OSGIN2: variants seen among roughly 807,000 people sequenced by gnomAD.
OSGIN2 encodes the protein oxidative stress-induced growth inhibitor 2.
In OSGIN2, 19 loss-of-function variants were observed where a neutral mutation model predicts 53.8. The ratio of observed to expected loss-of-function variants is 0.35; its 90% CI spans 0.25 to 0.52. The LOEUF is 0.52. OSGIN2 is among the 20% of genes least tolerant of loss of function. The probability of loss-of-function intolerance (pLI) is 0.95; values close to 1 mark genes in which losing one functional copy is unlikely to be tolerated. For synonymous variants in OSGIN2, 236 were observed against 236.0 expected (o/e 1.00, Z 0.00); for missense variants, 520 against 662.7 (o/e 0.78, Z 2.36).
chr8:89,923,327 T>A (rs1809247140), intron 5 of OSGIN2, among the ~76,000 whole-genome samples: 1 of 152,202 alleles, frequency 6.6e-6, no homozygotes, highest in Non-Finnish European at 1.5e-5. Flanking sequence ...GACACATGAC[T>A]GAAGAAGTAA....
At chr8:89,914,274 A>T in intron 3 of OSGIN2, 61 bp downstream of exon 3, 3 of 1,252,122 alleles carry the variant, frequency 2.4e-6, no homozygotes, top group Non-Finnish European at 3.4e-6. Flanking sequence ...ATTAGTTTTT[A>T]TTTATATGAA....
chr8:89,909,051 C>CAT lies in OSGIN2; in HGVS notation c.45-502_45-501dup, dbSNP rs890126567. On this transcript the variant is annotated intron_variant, in intron 1 of 5. Coordinates refer to ENST00000451899, the MANE Select transcript of OSGIN2 (RefSeq NM_001126111.3). ...AAAAAAAAAAAAATATATATATATA[C>CAT]ATATATATATATATAATGTATATGT... Among the ~76,000 whole-genome samples the CAT allele has an allele frequency of 1.7e-3, 154 of 92,564 alleles. 2 individuals are homozygous for CAT. Among genetic ancestry groups the CAT allele is most frequent in the East Asian group, 4.5e-3 (14 of 3,100 alleles). 60.7% of individuals were successfully genotyped at this position (92,564 alleles called of 152,430 possible).
chr8:89,902,439 G>C (rs1246361599), upstream of OSGIN2: 3 of 152,018 alleles, frequency 2.0e-5, no homozygotes, highest in Non-Finnish European at 4.4e-5. Flanking sequence ...CGCCCGGGCC[G>C]TGGCTCCACC....
chr8:89,907,579 G>A (rs1161339833), intron 1 of OSGIN2, among the ~76,000 whole-genome samples: 1 of 152,078 alleles, frequency 6.6e-6, no homozygotes, highest in Non-Finnish European at 1.5e-5. Flanking sequence ...TTGCAGGTGT[G>A]TGGTCTTATT....
rs754920080 is a variant in OSGIN2 at position 89,921,050 on chromosome 8, C to T, written c.529-30C>T. The stretch of plus-strand genomic sequence containing the variant: ...AACCATGTTACTTCTTGTTTTTTGA[C>T]GGTACATTTTTTTTTTTAAACTCTA... On this transcript the variant is annotated intron_variant, in intron 4 of 5. Transcript: ENST00000451899. 1.9e-5 allele frequency: 24 copies of T among 1,277,018 alleles called. No individual in the cohort carries two copies. The East Asian group carries it at 4.0e-4, about 21-fold the overall frequency. The allele number at this position is 1,277,018 out of a possible 1,614,324, so 79.1% of individuals were successfully genotyped here. A position where few individuals can be genotyped will look rare whatever the true frequency, so the allele number is the denominator to read the frequency against.
Position 89,910,721 on chromosome 8 carries a change from GTCT to G in OSGIN2, c.199+1005_199+1007del, listed in dbSNP as rs771357584. Among the ~76,000 whole-genome samples, 4 of 152,150 alleles carry G rather than the reference GTCT, an allele frequency of 2.6e-5. 1 individual carries two copies. Among genetic ancestry groups the G allele is most frequent in the Admixed American group, 1.3e-4 (2 of 15,278 alleles). ...TATCCTGAATGAATGGAGGAATCCT[GTCT>G]TCTTGTGTGGCTAGGCTGTGGGAAG... On this transcript the variant is annotated intron_variant, in intron 2 of 5. Coordinates refer to ENST00000451899, the MANE Select transcript of OSGIN2 (RefSeq NM_001126111.3).
intron 1 of OSGIN2, among the ~76,000 whole-genome samples, chr8:89,904,281 G>A (rs535962795): frequency 1.7e-4 from 26 of 152,166 alleles, no homozygotes; most frequent in Non-Finnish European, 3.7e-4. Context: ...AGAAAATATT[G>A]TGTGAAAGCT....
At position 89,925,724 on chromosome 8, in the gene OSGIN2, T is replaced by G; in HGVS notation, c.*192T>G. On this transcript the variant is annotated 3_prime_UTR_variant, in exon 6 of 6. Transcript: ENST00000451899. ...TATTGCAGTGTTTCAAAGGTGTCAC[T>G]GTCAGACAAATAGAAACACTGCCAA... is the stretch of plus-strand genomic sequence containing the variant. The G allele has an allele frequency of 2.0e-6, 1 of 499,388 alleles. No homozygotes were observed. The highest frequency in any genetic ancestry group is 3.8e-5 in the South Asian group (1 of 26,488). 30.9% of individuals were successfully genotyped at this position (499,388 alleles called of 1,614,324 possible). A position where few individuals can be genotyped will look rare whatever the true frequency, so the allele number is the denominator to read the frequency against.
chr8:89,909,819 AGTATT>A, intron 2 of OSGIN2, 98 bp downstream of exon 2: 1 of 770,894 alleles, frequency 1.3e-6, no homozygotes. Context: ...TTTATTGAAA[AGTATT>A]CTTAGGTGGT....
chr8:89,922,297 G>A (rs559157563), intron 5 of OSGIN2, among the ~76,000 whole-genome samples: 1 of 152,196 alleles, frequency 6.6e-6, no homozygotes, highest in Admixed American at 6.5e-5. Context: ...ACATCATCAT[G>A]GGTAATTGAG....
intron 1 of OSGIN2, among the ~76,000 whole-genome samples, chr8:89,904,156 T>G (rs187803677): frequency 1.3e-3 from 194 of 152,358 alleles, no homozygotes; most frequent in Non-Finnish European, 2.4e-3. Context: ...ATTTGTTGAC[T>G]ACTGAGACAG....
At chr8:89,914,050 C>T in intron 2 of OSGIN2, 27 bp from the exon 3 acceptor site, 1 of 1,601,584 alleles carries the variant, frequency 6.2e-7, no homozygotes, top group African/African-American at 1.3e-5. Flanking sequence ...GCATGACCTA[C>T]CCCTTTCCAC....
At chr8:89,913,859 T>C (rs1057097189) in intron 2 of OSGIN2, among the ~76,000 whole-genome samples, 2 of 152,212 alleles carry the variant, frequency 1.3e-5, no homozygotes, top group Non-Finnish European at 2.9e-5. Context: ...ATTTTGGATG[T>C]CAGTAGCCTA....
intron 2 of OSGIN2, among the ~76,000 whole-genome samples, chr8:89,910,269 TTAAAC>T (rs1257845896): frequency 2.0e-5 from 3 of 152,212 alleles, no homozygotes; most frequent in Non-Finnish European, 4.4e-5. Flanking sequence ...ATATTAAAAA[TTAAAC>T]TATTAATAAA....
At chr8:89,924,212 G>A (rs1392599900) in intron 5 of OSGIN2, among the ~76,000 whole-genome samples, 1 of 152,142 alleles carries the variant, frequency 6.6e-6, no homozygotes, top group South Asian at 2.1e-4. Flanking sequence ...TTCATTTAAT[G>A]AAAGTTTATC....
rs78171662 is a variant in OSGIN2, at chr8:89,908,752, A to C, written c.45-815A>C. ...AGAATGCTAAAACTAATTTCTAGAG[A>C]GCCAATTGAGAAAGAAAAATTGGAA... On this transcript the variant is annotated intron_variant, in intron 1 of 5. Coordinates refer to ENST00000451899, the MANE Select transcript of OSGIN2 (RefSeq NM_001126111.3). Among the ~76,000 whole-genome samples, 583 of 152,228 alleles carry C rather than the reference A, an allele frequency of 3.8e-3. 8 individuals carry two copies. The highest frequency in any genetic ancestry group is 0.016 in the East Asian group (83 of 5,186).
chr8:89,921,021 A>G, intron 4 of OSGIN2, 59 bp from the exon 5 acceptor site: 1 of 1,075,472 alleles, frequency 9.3e-7, no homozygotes. Flanking sequence ...AACAGACCAA[A>G]AAAAACCATG....
intron 2 of OSGIN2, among the ~76,000 whole-genome samples, chr8:89,912,759 A>G (rs547131363): frequency 6.6e-6 from 1 of 151,820 alleles, no homozygotes; most frequent in South Asian, 2.1e-4. Flanking sequence ...AAAAAAACAC[A>G]ACGAAAAAAA....
chr8:89,909,242 TTCTAGGCTAGTTTC>T (rs1808916083), intron 1 of OSGIN2, among the ~76,000 whole-genome samples: 3 of 151,748 alleles, frequency 2.0e-5, no homozygotes, highest in South Asian at 4.1e-4. Context: ...CACTAGCCAT[TTCTAGGCTAGTTTC>T]AGAGAATTAT....
Sources: allele counts gnomAD v4.1 joint callset (sites outside exome capture counted in the v4.1 genomes callset), GRCh38; gene constraint gnomAD v4.1.1; transcripts MANE v1.5; gene names NCBI Gene and HGNC (gene_info 2026-07-23, HGNC 2026-07-21).